CDC42SE2: variants seen among roughly 807,000 people sequenced by gnomAD.
The protein encoded by CDC42SE2 is CDC42 small effector 2.
CDC42SE2 carries 3 observed loss-of-function variants against 11.5 expected under a neutral mutation model. That is an observed-to-expected ratio of 0.26 (90% CI 0.12 to 0.67). The LOEUF (loss-of-function observed/expected upper bound fraction) is 0.67, where lower values mean the gene tolerates loss of function less well. CDC42SE2 is among the 30% of genes least tolerant of loss of function. CDC42SE2 has a pLI of 0.80. For synonymous variants in CDC42SE2, 33 were observed against 34.8 expected, an observed-to-expected ratio of 0.95 and a Z score of 0.18; for missense variants, 82 against 106.8, an observed-to-expected ratio of 0.77 and a Z score of 1.02.
intron 1 of CDC42SE2, among the ~76,000 whole-genome samples, chr5:131,296,770 A>C (rs1263386603): frequency 1.3e-5 from 2 of 152,172 alleles, no homozygotes; most frequent in African/African-American, 4.8e-5. Context: ...AACCCATAAC[A>C]GAGGCTTTAC....
chr5:131,216,501 CA>C, the CDC42SE2 span, among the ~76,000 whole-genome samples: 554 of 42,174 alleles, frequency 0.013, 17 homozygotes, highest in Admixed American at 0.079. Flanking sequence ...GAACCTGTCT[CA>C]AAAAAAAAAA....
At chr5:131,351,395 C>G (rs770506063) in intron 2 of CDC42SE2, among the ~76,000 whole-genome samples, 16 of 152,204 alleles carry the variant, frequency 1.1e-4, no homozygotes, top group African/African-American at 3.9e-4. Flanking sequence ...GCTGGGACTA[C>G]AGGTGCCTGC....
rs146815173 is a variant in CDC42SE2, at chr5:131,366,544, T to G, written c.54+6997T>G. 3.9e-4 allele frequency among the ~76,000 whole-genome samples: 60 copies of G among 152,316 alleles called. No individual in the cohort carries two copies. In the East Asian group the frequency reaches 0.011, roughly 29 times the overall value. On this transcript the variant is annotated intron_variant, in intron 3 of 4. Transcript: ENST00000505065. The stretch of plus-strand genomic sequence containing the variant: ...GAGTTGATCTTTATTCAGTTCAGAT[T>G]GGAGGGTTTTTTTTGTTTGTTTTTT...
the CDC42SE2 span, among the ~76,000 whole-genome samples, chr5:131,228,175 C>G: frequency 6.6e-6 from 1 of 152,056 alleles, no homozygotes; most frequent in African/African-American, 2.4e-5. Context: ...CCACTGCACT[C>G]CAGCCTGGGA....
the CDC42SE2 span, among the ~76,000 whole-genome samples, chr5:131,227,890 A>G: frequency 2.0e-5 from 3 of 152,142 alleles, no homozygotes; most frequent in African/African-American, 7.2e-5. Context: ...ACAAAAAAAT[A>G]CAAAAATCAT....
chr5:131,234,528 C>T, the CDC42SE2 span, among the ~76,000 whole-genome samples: 4,874 of 151,282 alleles, frequency 0.032, 263 homozygotes, highest in African/African-American at 0.11. Context: ...CCCAGCTACT[C>T]GGGAGGCTGA....
At chr5:131,345,096 C>T (rs1298299826) in intron 2 of CDC42SE2, among the ~76,000 whole-genome samples, 2 of 152,216 alleles carry the variant, frequency 1.3e-5, no homozygotes, top group Non-Finnish European at 1.5e-5. Flanking sequence ...CACCTCTTCT[C>T]TTCCAAAGGA....
chr5:131,287,665 G>A (rs13154452), intron 1 of CDC42SE2, among the ~76,000 whole-genome samples: 86,322 of 151,266 alleles, frequency 0.57, 28,572 homozygotes, highest in Non-Finnish European at 0.76. Context: ...GTAGAGATGG[G>A]GCTCCGCCAT....
At chr5:131,259,161 T>C (rs1425869931), upstream of CDC42SE2, among the ~76,000 whole-genome samples, 1 of 152,228 alleles carries the variant, frequency 6.6e-6, no homozygotes, top group African/African-American at 2.4e-5. Context: ...CTCATTACCT[T>C]ATTGACTAAT....
intron 4 of CDC42SE2, 45 bp downstream of exon 4, chr5:131,385,689 T>G (rs760260288): frequency 8.2e-7 from 1 of 1,222,714 alleles, no homozygotes; most frequent in East Asian, 2.3e-5. Context: ...TGGGGCATAG[T>G]CATATGAAAC....
At chr5:131,210,749 G>A in the CDC42SE2 span, among the ~76,000 whole-genome samples, 1 of 152,080 alleles carries the variant, frequency 6.6e-6, no homozygotes, top group Non-Finnish European at 1.5e-5. Flanking sequence ...TCAACACTTG[G>A]TCTACTTCAT....
chr5:131,332,059 T>C (rs1758429651), intron 2 of CDC42SE2, among the ~76,000 whole-genome samples: 1 of 152,204 alleles, frequency 6.6e-6, no homozygotes, highest in African/African-American at 2.4e-5. Flanking sequence ...GTTGGTGTGC[T>C]GCACCCATTA....
chr5:131,357,585 G>A (rs1199390781), intron 2 of CDC42SE2, among the ~76,000 whole-genome samples: 2 of 152,258 alleles, frequency 1.3e-5, no homozygotes, highest in Non-Finnish European at 1.5e-5. Flanking sequence ...AATGTGTGAG[G>A]TCTCTTTCCA....
upstream of CDC42SE2, among the ~76,000 whole-genome samples, chr5:131,260,425 C>T (rs1200842196): frequency 1.3e-5 from 2 of 151,970 alleles, no homozygotes; most frequent in African/African-American, 2.4e-5. Flanking sequence ...GAGTTCAAGA[C>T]CAGCCTGGCC....
intron 2 of CDC42SE2, among the ~76,000 whole-genome samples, chr5:131,335,592 G>T (rs1206892398): frequency 6.6e-6 from 1 of 152,158 alleles, no homozygotes; most frequent in Non-Finnish European, 1.5e-5. Flanking sequence ...TTATTATCGT[G>T]TGGGAATCTA....
intron 4 of CDC42SE2, among the ~76,000 whole-genome samples, chr5:131,387,479 A>T (rs1383931607): frequency 2.0e-5 from 3 of 152,000 alleles, no homozygotes; most frequent in African/African-American, 7.2e-5. Flanking sequence ...TGAACCTGGG[A>T]GGGGGGAGGT....
intron 1 of CDC42SE2, among the ~76,000 whole-genome samples, chr5:131,296,874 T>G (rs1243332865): frequency 6.6e-6 from 1 of 152,078 alleles, no homozygotes; most frequent in East Asian, 1.9e-4. Flanking sequence ...CAAGTTCTTT[T>G]TCTTTCTTTC....
chr5:131,222,303 T>C, the CDC42SE2 span, among the ~76,000 whole-genome samples: 928 of 152,338 alleles, frequency 6.1e-3, 9 homozygotes, highest in African/African-American at 0.021. Context: ...AGTCCTGAGA[T>C]AGATTTTTAT....
intron 4 of CDC42SE2, among the ~76,000 whole-genome samples, chr5:131,386,630 G>C (rs1309992895): frequency 1.3e-5 from 2 of 152,130 alleles, no homozygotes; most frequent in Non-Finnish European, 2.9e-5. Flanking sequence ...AATTTTTGTT[G>C]AAGAGAAAAC....
Sources: allele counts gnomAD v4.1 joint callset (sites outside exome capture counted in the v4.1 genomes callset), GRCh38; gene constraint gnomAD v4.1.1; transcripts MANE v1.5; gene names NCBI Gene and HGNC (gene_info 2026-07-23, HGNC 2026-07-21).